The following PRR15 variants were observed in gnomAD, a reference collection of about 807,000 sequenced individuals.
The protein encoded by PRR15 is proline rich 15.
PRR15 carries 4 observed loss-of-function variants against 3.0 expected under a neutral mutation model. The ratio of observed to expected loss-of-function variants is 1.34; its 90% CI spans 0.66 to 3.08. The LOEUF (loss-of-function observed/expected upper bound fraction) is 3.08. PRR15 is among the 30% of genes most tolerant of loss of function. The probability of loss-of-function intolerance (pLI) is 0.01; values close to 1 mark genes in which losing one functional copy is unlikely to be tolerated. For synonymous variants in PRR15, 82 were observed against 79.8 expected (o/e 1.03, Z -0.14); for missense variants, 200 against 179.5 (o/e 1.11, Z -0.65).
rs936051322 is a variant in PRR15 at position 29,566,257 on chromosome 7, C to A, written c.-73C>A. The A allele has an allele frequency of 1.0e-4, 147 of 1,470,402 alleles. No homozygotes were observed. Among genetic ancestry groups the A allele is most frequent in the Non-Finnish European group, 7.9e-5 (88 of 1,109,674 alleles). The allele number at this position is 1,470,402 out of a possible 1,614,324, so 91.1% of individuals were successfully genotyped here. A position where few individuals can be genotyped will look rare whatever the true frequency, so the allele number is the denominator to read the frequency against. ...CCGGGGAAGGGGTGGAGTGAACGGC[C>A]GGAGACCACGTGGAGAAAGGGGCCG... On this transcript the variant is annotated 5_prime_UTR_variant, in exon 2 of 2. Transcript: ENST00000319694.
chr7:29,566,965 G>A lies in PRR15; in HGVS notation c.*246G>A. On this transcript the variant is annotated 3_prime_UTR_variant, in exon 2 of 2. Coordinates refer to ENST00000319694, the MANE Select transcript of PRR15 (RefSeq NM_175887.3). ...GGTAAGAGAAGATACCTGCCGCGGAGGAGGGTGGCATAATTATTTTTTTTT... is the reference window on the plus strand; with the variant it reads ...GGTAAGAGAAGATACCTGCCGCGGAAGAGGGTGGCATAATTATTTTTTTTT... The A allele has an allele frequency of 7.1e-6, 3 of 421,192 alleles. No homozygotes were observed. The highest frequency in any genetic ancestry group is 3.7e-5 in the East Asian group (1 of 26,736). The allele number at this position is 421,192 out of a possible 1,614,324, so 26.1% of individuals were successfully genotyped here.
chr7:29,565,186 A>AG (rs765439097), intron 1 of PRR15, among the ~76,000 whole-genome samples: 34 of 152,248 alleles, frequency 2.2e-4, no homozygotes, highest in Middle Eastern at 3.4e-3. Context: ...CGCTCTGCAG[A>AG]GGGGGGGTCT....
intron 1 of PRR15, among the ~76,000 whole-genome samples, chr7:29,565,130 A>T (rs1792861728): frequency 6.6e-6 from 1 of 152,170 alleles, no homozygotes; most frequent in African/African-American, 2.4e-5. Flanking sequence ...GTGGGCTGGG[A>T]GTCTCGCTTG....
In PRR15 at chr7:29,564,079, G is replaced by C. The variant is rs1792827861; in HGVS notation, c.-444G>C. 1 of 152,592 alleles carries C rather than the reference G, an allele frequency of 6.6e-6. No individual in the cohort carries two copies. Among genetic ancestry groups the C allele is most frequent in the Non-Finnish European group, 1.5e-5 (1 of 68,362 alleles). 9.5% of individuals were successfully genotyped at this position (152,592 alleles called of 1,614,324 possible). On this transcript the variant is annotated 5_prime_UTR_variant, in exon 1 of 2. Coordinates refer to ENST00000319694, the MANE Select transcript of PRR15 (RefSeq NM_175887.3). ...GAAAGCCGCCCTGGACCTTCCACCC[G>C]GGCAGCGAGTCTGGCGGCCCCTCGC...
At chr7:29,564,860 C>G (rs903528941) in intron 1 of PRR15, among the ~76,000 whole-genome samples, 2 of 152,134 alleles carry the variant, frequency 1.3e-5, no homozygotes, top group African/African-American at 2.4e-5. Flanking sequence ...GGGGAGGAGC[C>G]GGTGTTGCGG....
Position 29,566,573 on chromosome 7 carries a change from T to C in PRR15, c.244T>C (p.Ser82Pro), listed in dbSNP as rs769721829. 2.7e-5 allele frequency: 43 copies of C among 1,607,974 alleles called. No homozygotes were observed. Among genetic ancestry groups the C allele is most frequent in the Non-Finnish European group, 3.0e-5 (35 of 1,177,844 alleles). The change falls in exon 2 of 2, where the codon TCC becomes CCC. Residue 82 changes from serine to proline, a missense_variant. By Grantham distance (74) the Ser-to-Pro change is moderately conservative. Coordinates refer to ENST00000319694, the MANE Select transcript of PRR15 (RefSeq NM_175887.3). The part of the protein sequence containing the change: ...PKPDKLYGDK[S>P]GSSRRNLKIS... ...ACCAGACAAGTTATACGGGGACAAA[T>C]CCGGCAGCAGCCGCCGCAATTTGAA...
In PRR15 at chr7:29,566,488, C is replaced by T; in HGVS notation, c.159C>T (p.Thr53=). 2 of 1,599,424 alleles carry T rather than the reference C, an allele frequency of 1.3e-6. No homozygotes were observed. The highest frequency in any genetic ancestry group is 1.7e-6 in the Non-Finnish European group (2 of 1,173,222). The change falls in exon 2 of 2, where the codon ACC becomes ACT. Residue 53 remains threonine (T), a synonymous_variant. Coordinates refer to ENST00000319694, the MANE Select transcript of PRR15 (RefSeq NM_175887.3). ...CTGCGCCGCCCAGCCCGGACTGGAC[C>T]AGCAGCTCCCGGGAGAACCAGCACC... The part of the protein sequence containing the change: ...TPPAPPSPDW[T]SSSRENQHPN...
Position 29,566,529 on chromosome 7 carries a change from G to A in PRR15, c.200G>A (p.Gly67Asp), listed in dbSNP as rs760106085. ...AACCAGCACCCCAATCTCCTCGGGG[G>A]CGCCGGCGAGCCCCCCAAACCAGAC... Reference protein sequence around the residue: ...RENQHPNLLGGAGEPPKPDKL... With the variant: ...RENQHPNLLGDAGEPPKPDKL... Residue 67 changes from glycine to aspartate, a missense_variant, in exon 2 of 2, where the codon GGC becomes GAC. Gly to Asp is a moderately conservative substitution (Grantham distance 94). Coordinates refer to ENST00000319694, the MANE Select transcript of PRR15 (RefSeq NM_175887.3). 4.4e-6 allele frequency: 7 copies of A among 1,605,792 alleles called. No individual in the cohort carries two copies. In the Admixed American group the frequency reaches 1.0e-4, roughly 23 times the overall value.
chr7:29,564,469 G>C (rs903790253), intron 1 of PRR15, 92 bp downstream of exon 1: 7 of 152,028 alleles, frequency 4.6e-5, no homozygotes, highest in Non-Finnish European at 7.3e-5. Flanking sequence ...CCAGGTACCC[G>C]CCTCCCGGAG....
At position 29,564,195 on chromosome 7, in the gene PRR15, A is replaced by C. The variant is rs892154523; in HGVS notation, c.-328A>C. Reference sequence around the variant, plus strand: ...ATTGGAGGTGCCAGAGGAGACCAGCAGCAGCACTTGATTTAGCTGGGCTGC... The same window carrying C: ...ATTGGAGGTGCCAGAGGAGACCAGCCGCAGCACTTGATTTAGCTGGGCTGC... On this transcript the variant is annotated 5_prime_UTR_variant, in exon 1 of 2. Transcript: ENST00000319694. 6.6e-6 allele frequency: 1 copy of C among 152,484 alleles called. No individual in the cohort carries two copies. The highest frequency in any genetic ancestry group is 6.5e-5 in the Admixed American group (1 of 15,280). The allele number at this position is 152,484 out of a possible 1,614,324, so 9.4% of individuals were successfully genotyped here. A position where few individuals can be genotyped will look rare whatever the true frequency, so the allele number is the denominator to read the frequency against.
chr7:29,563,968 C>G lies in PRR15; in HGVS notation c.-555C>G, dbSNP rs1792823891. On this transcript the variant is annotated 5_prime_UTR_variant, in exon 1 of 2. Transcript: ENST00000319694. The stretch of plus-strand genomic sequence containing the variant: ...GGCAAGTTCGATGCGCCGGAGTGAA[C>G]AGCCAGGGTCCCATCTCTCAGCCGG... 1 of 152,308 alleles carries G rather than the reference C, an allele frequency of 6.6e-6. No homozygotes were observed. The highest frequency in any genetic ancestry group is 2.1e-4 in the South Asian group (1 of 4,838). The allele number at this position is 152,308 out of a possible 1,614,324, so 9.4% of individuals were successfully genotyped here. A position where few individuals can be genotyped will look rare whatever the true frequency, so the allele number is the denominator to read the frequency against.
rs1562707616 is a variant in PRR15, at chr7:29,566,632, GA to G, written c.306del (p.Val103CysfsTer97). 6.3e-7 allele frequency: 1 copy of G among 1,596,476 alleles called. No individual in the cohort carries two copies. Among genetic ancestry groups the G allele is most frequent in the African/African-American group, 1.3e-5 (1 of 74,428 alleles). The part of the protein sequence containing the change: ...SRSGRFKEKR[K>X]VRATLLPEAG... Reference sequence around the variant, plus strand: ...GCTCCGGCCGCTTTAAGGAGAAGAGGAAAGTGCGCGCCACGCTGCTCCCGGA... The same window carrying G: ...GCTCCGGCCGCTTTAAGGAGAAGAGGAAGTGCGCGCCACGCTGCTCCCGGA... On this transcript the variant is annotated frameshift_variant, in exon 2 of 2. Transcript: ENST00000319694. LOFTEE classifies it high-confidence loss of function.
chr7:29,566,193 G>T lies in PRR15; in HGVS notation c.-137G>T, dbSNP rs987332776. On this transcript the variant is annotated 5_prime_UTR_variant, in exon 2 of 2. Coordinates refer to ENST00000319694, the MANE Select transcript of PRR15 (RefSeq NM_175887.3). ...TTTGTTTTCTTCCCCAGCACAGGCC[G>T]CTGCCTCAGCATCCACCCCGCAGCC... The T allele has an allele frequency of 7.6e-6, 8 of 1,053,626 alleles. No individual in the cohort carries two copies. In the South Asian group the frequency reaches 1.2e-4, roughly 15 times the overall value. 65.3% of individuals were successfully genotyped at this position (1,053,626 alleles called of 1,614,324 possible).
chr7:29,565,216 C>A (rs1253096361), intron 1 of PRR15, among the ~76,000 whole-genome samples: 1 of 152,208 alleles, frequency 6.6e-6, no homozygotes, highest in Non-Finnish European at 1.5e-5. Context: ...GGGGAAGAAG[C>A]ACATTGTTTC....
rs748725103 is a variant in PRR15 at position 29,566,498 on chromosome 7, C to T, written c.169C>T (p.Arg57Trp). Reference protein sequence around the residue: ...PPSPDWTSSSRENQHPNLLGG... With the variant: ...PPSPDWTSSSWENQHPNLLGG... ...CAGCCCGGACTGGACCAGCAGCTCC[C>T]GGGAGAACCAGCACCCCAATCTCCT... is the stretch of plus-strand genomic sequence containing the variant. Residue 57 changes from arginine (R) to tryptophan (W), a missense_variant, in exon 2 of 2, where the codon CGG (arginine) becomes TGG (tryptophan). Arg to Trp is a moderately radical substitution (Grantham distance 101). Coordinates refer to ENST00000319694, the MANE Select transcript of PRR15 (RefSeq NM_175887.3). 1 of 1,600,184 alleles carries T rather than the reference C, an allele frequency of 6.2e-7. No homozygotes were observed. The highest frequency in any genetic ancestry group is 2.3e-5 in the East Asian group (1 of 44,032).
intron 1 of PRR15, chr7:29,565,639 G>C (rs1461395572): frequency 6.6e-6 from 1 of 152,246 alleles, no homozygotes; most frequent in Non-Finnish European, 1.5e-5. Flanking sequence ...CTCCTGGGAC[G>C]AAAGTCGATG....
In PRR15 at chr7:29,566,433, C is replaced by T. The variant is rs953249104; in HGVS notation, c.104C>T (p.Ala35Val). ...GCCGCAGTGGGGGTGCCGCCTCCCG[C>T]CCAGCCCGCTCCCGGGGAGCCCACG... ...KEAAVGVPPPAQPAPGEPTPP... is the reference protein window; with the variant it reads ...KEAAVGVPPPVQPAPGEPTPP... The change falls in exon 2 of 2, where the codon GCC becomes GTC. Residue 35 changes from alanine to valine, a missense_variant. Physicochemically the swap from Ala to Val is moderately conservative, Grantham distance 64. Transcript: ENST00000319694. 1.2e-6 allele frequency: 2 copies of T among 1,606,702 alleles called. No homozygotes were observed. Among genetic ancestry groups the T allele is most frequent in the Admixed American group, 3.4e-5 (2 of 59,310 alleles).
intron 1 of PRR15, 56 bp from the exon 2 acceptor site, chr7:29,566,129 G>A (rs1014977449): frequency 2.4e-5 from 15 of 621,702 alleles, no homozygotes; most frequent in East Asian, 2.0e-4. Flanking sequence ...AAAGGGGACT[G>A]GGGGGGGCAC....
chr7:29,567,156 C>T lies in PRR15; in HGVS notation c.*437C>T, dbSNP rs1792930532. ...AATGCACTTTAGGGGTAGACTTATACCTTAAGTGAAGGAGTGGGGGAGGAA... is the reference window on the plus strand; with the variant it reads ...AATGCACTTTAGGGGTAGACTTATATCTTAAGTGAAGGAGTGGGGGAGGAA... On this transcript the variant is annotated 3_prime_UTR_variant, in exon 2 of 2. Coordinates refer to ENST00000319694, the MANE Select transcript of PRR15 (RefSeq NM_175887.3). 1 of 174,046 alleles carries T rather than the reference C, an allele frequency of 5.7e-6. No individual in the cohort carries two copies. The highest frequency in any genetic ancestry group is 2.4e-5 in the African/African-American group (1 of 41,710). The allele number at this position is 174,046 out of a possible 1,614,324, so 10.8% of individuals were successfully genotyped here.
Sources: gnomAD v4.1 joint callset for allele counts (sites outside exome capture counted in the v4.1 genomes callset) on GRCh38, gnomAD v4.1.1 for gene constraint, MANE v1.5 for transcripts, NCBI Gene and HGNC (gene_info 2026-07-23, HGNC 2026-07-21) for gene names.